SLC24A2: variants seen among roughly 807,000 people sequenced by gnomAD.
SLC24A2 encodes the protein solute carrier family 24 member 2.
Under a neutral mutation model 62.0 loss-of-function variants are expected in SLC24A2, and 36 were observed. The ratio of observed to expected loss-of-function variants is 0.58; its 90% CI spans 0.44 to 0.77. The LOEUF (loss-of-function observed/expected upper bound fraction) is 0.77, where lower values mean the gene tolerates loss of function less well. Among genes scored for constraint, SLC24A2 ranks in the 30% least tolerant of loss-of-function variants. The pLI is 0.00. For missense variants in SLC24A2, 846 were observed against 817.9 expected (o/e 1.03, Z -0.42); for synonymous variants, 358 against 294.0 (o/e 1.22, Z -2.23).
chr9:19,752,590 G>A (rs1423054433), intron 2 of SLC24A2, among the ~76,000 whole-genome samples: 7 of 130,758 alleles, frequency 5.4e-5, no homozygotes, highest in Middle Eastern at 4.0e-3. Flanking sequence ...TAAACTCACC[G>A]AGCCTCAGTT....
chr9:20,230,880 G>C, the SLC24A2 span, among the ~76,000 whole-genome samples: 3 of 152,192 alleles, frequency 2.0e-5, no homozygotes, highest in South Asian at 4.1e-4. Flanking sequence ...TAACATGTAA[G>C]TCTTTAATCC....
the SLC24A2 span, among the ~76,000 whole-genome samples, chr9:20,263,869 C>CCG: frequency 1.7e-5 from 2 of 116,966 alleles, no homozygotes; most frequent in South Asian, 4.4e-4. Flanking sequence ...CCGCCCCCCC[C>CCG]CCCCCATTAA....
At chr9:19,719,732 A>T (rs747936188) in intron 2 of SLC24A2, among the ~76,000 whole-genome samples, 2 of 152,214 alleles carry the variant, frequency 1.3e-5, no homozygotes, top group Non-Finnish European at 2.9e-5. Context: ...TTCAAACTAG[A>T]CAAACTTCAT....
At chr9:20,165,812 T>C in the SLC24A2 span, among the ~76,000 whole-genome samples, 2 of 151,698 alleles carry the variant, frequency 1.3e-5, no homozygotes, top group African/African-American at 4.8e-5. Flanking sequence ...AAGTAAAAGG[T>C]TTTTGCATAA....
intron 8 of SLC24A2, among the ~76,000 whole-genome samples, chr9:19,531,773 C>T (rs924881955): frequency 2.3e-5 from 3 of 132,826 alleles, no homozygotes; most frequent in African/African-American, 8.5e-5. Flanking sequence ...AATCTCTGCT[C>T]ACAAATTACC....
chr9:20,127,760 T>C, the SLC24A2 span, among the ~76,000 whole-genome samples: 1 of 152,118 alleles, frequency 6.6e-6, no homozygotes, highest in Non-Finnish European at 1.5e-5. Context: ...CTAACCATAG[T>C]GCTCTGGAGG....
At chr9:19,741,558 C>T (rs1247504782) in intron 2 of SLC24A2, among the ~76,000 whole-genome samples, 2 of 152,186 alleles carry the variant, frequency 1.3e-5, no homozygotes, top group African/African-American at 4.8e-5. Flanking sequence ...CTTTGACCCT[C>T]CAGGCCTAGG....
chr9:20,277,786 CAT>C, the SLC24A2 span, among the ~76,000 whole-genome samples: 532 of 152,320 alleles, frequency 3.5e-3, 4 homozygotes, highest in Non-Finnish European at 6.0e-3. Flanking sequence ...CACATGCACA[CAT>C]ATGTTTACTG....
At chr9:20,030,869 G>A in the SLC24A2 span, among the ~76,000 whole-genome samples, 1 of 152,050 alleles carries the variant, frequency 6.6e-6, no homozygotes, top group Non-Finnish European at 1.5e-5. Context: ...CCCTTAATAT[G>A]TCATTCTATG....
intron 6 of SLC24A2, among the ~76,000 whole-genome samples, chr9:19,574,288 C>T (rs1835942370): frequency 6.6e-6 from 1 of 152,156 alleles, no homozygotes; most frequent in Non-Finnish European, 1.5e-5. Flanking sequence ...CTGTGTCATT[C>T]CTGAATCAGA....
intron 5 of SLC24A2, among the ~76,000 whole-genome samples, chr9:19,580,829 T>G (rs1415438354): frequency 6.6e-6 from 1 of 152,166 alleles, no homozygotes. Flanking sequence ...TTGGCTGATC[T>G]GTTAAGCAGG....
chr9:19,842,263 A>G, the SLC24A2 span, among the ~76,000 whole-genome samples: 2 of 152,192 alleles, frequency 1.3e-5, no homozygotes, highest in Non-Finnish European at 2.9e-5. Flanking sequence ...CAATAAACTA[A>G]TTGTCTACAA....
the SLC24A2 span, among the ~76,000 whole-genome samples, chr9:19,856,336 G>A: frequency 2.0e-5 from 3 of 152,156 alleles, no homozygotes; most frequent in Non-Finnish European, 4.4e-5. Context: ...TTGGAGAGGA[G>A]TTACGATCAT....
the SLC24A2 span, among the ~76,000 whole-genome samples, chr9:20,268,871 G>C: frequency 6.6e-6 from 1 of 152,152 alleles, no homozygotes; most frequent in African/African-American, 2.4e-5. Context: ...GAGGAACTAC[G>C]AAAGAGAACT....
rs199776308 is a variant in SLC24A2 at position 19,535,093 on chromosome 9, AT to A, written c.1480-6956del. 8.2e-4 allele frequency among the ~76,000 whole-genome samples: 124 copies of A among 152,118 alleles called. 3 individuals are homozygous for A. The East Asian group carries it at 0.021, about 26-fold the overall frequency. On this transcript the variant is annotated intron_variant, in intron 8 of 10. Transcript: ENST00000341998. The stretch of plus-strand genomic sequence containing the variant: ...GTATCTCATTGTGGTTTTGATTTGC[AT>A]TTCTCTAATGACCAGTGATGATGAG...
At chr9:19,833,534 C>T in the SLC24A2 span, among the ~76,000 whole-genome samples, 4 of 152,154 alleles carry the variant, frequency 2.6e-5, no homozygotes, top group Admixed American at 6.5e-5. Context: ...GGGGGAGGGG[C>T]GCCCGCCATT....
At chr9:20,139,554 C>G in the SLC24A2 span, among the ~76,000 whole-genome samples, 1 of 152,318 alleles carries the variant, frequency 6.6e-6, no homozygotes, top group South Asian at 2.1e-4. Flanking sequence ...GATATAGACA[C>G]TTTATGTGTG....
chr9:20,057,370 A>G, the SLC24A2 span, among the ~76,000 whole-genome samples: 9 of 152,200 alleles, frequency 5.9e-5, no homozygotes, highest in East Asian at 1.9e-4. Context: ...TGACCTATCA[A>G]TAAAGGAGCT....
chr9:19,991,309 G>A, the SLC24A2 span, among the ~76,000 whole-genome samples: 16 of 152,100 alleles, frequency 1.1e-4, no homozygotes, highest in Non-Finnish European at 1.8e-4. Flanking sequence ...TCGAGGGCAG[G>A]AAGCATCCAG....
Sources: gnomAD v4.1 joint callset for allele counts (sites outside exome capture counted in the v4.1 genomes callset) on GRCh38, gnomAD v4.1.1 for gene constraint, MANE v1.5 for transcripts, NCBI Gene and HGNC (gene_info 2026-07-23, HGNC 2026-07-21) for gene names.